PCDH15: variants seen among roughly 807,000 people sequenced by gnomAD.
PCDH15 encodes protocadherin related 15, also known as protocadherin-15.
Under a neutral mutation model 178.5 loss-of-function variants are expected in PCDH15, and 129 were observed. The ratio of observed to expected loss-of-function variants is 0.72; its 90% confidence interval spans 0.63 to 0.84. The LOEUF (loss-of-function observed/expected upper bound fraction) is 0.84, where lower values mean the gene tolerates loss of function less well. PCDH15 is among the 40% of genes least tolerant of loss of function. The probability of loss-of-function intolerance (pLI) is 0.00; values close to 1 mark genes in which losing one functional copy is unlikely to be tolerated. For missense variants in PCDH15, 2,230 were observed against 2,099.9 expected (o/e 1.06, Z -1.21); for synonymous variants, 800 against 732.0 (o/e 1.09, Z -1.50).
At chr10:54,227,744 A>T (rs2053608776) in intron 9 of PCDH15, among the ~76,000 whole-genome samples, 1 of 152,198 alleles carries the variant, frequency 6.6e-6, no homozygotes, top group Non-Finnish European at 1.5e-5. Context: ...ACAGCACCCA[A>T]GTCACCTCTT....
intron 8 of PCDH15, among the ~76,000 whole-genome samples, chr10:54,286,009 T>C (rs1401277121): frequency 6.6e-6 from 1 of 152,148 alleles, no homozygotes. Context: ...GATTTCATAG[T>C]AGAGAGTAAA....
intron 21 of PCDH15, among the ~76,000 whole-genome samples, chr10:53,977,753 A>T (rs2090303526): frequency 6.6e-6 from 1 of 152,186 alleles, no homozygotes. Flanking sequence ...GTGAAATCAA[A>T]AGCATTGTTA....
intron 2 of PCDH15, among the ~76,000 whole-genome samples, chr10:55,111,604 G>A (rs986112710): frequency 1.3e-5 from 2 of 152,120 alleles, no homozygotes; most frequent in African/African-American, 4.8e-5. Context: ...AGCAGTTTGG[G>A]AGGCCAAGGC....
At chr10:55,052,631 G>T (rs1360508502) in intron 2 of PCDH15, among the ~76,000 whole-genome samples, 1 of 150,162 alleles carries the variant, frequency 6.7e-6, no homozygotes, top group Non-Finnish European at 1.5e-5. Context: ...TGGGAGGATC[G>T]CTGGAACCCG....
intron 20 of PCDH15, among the ~76,000 whole-genome samples, chr10:54,005,559 G>A (rs755748224): frequency 1.8e-4 from 27 of 152,100 alleles, no homozygotes; most frequent in Non-Finnish European, 3.4e-4. Flanking sequence ...ATAAAAAGGT[G>A]CTCAACATCA....
chr10:55,055,096 A>G (rs1171528088), intron 2 of PCDH15, among the ~76,000 whole-genome samples: 2 of 152,022 alleles, frequency 1.3e-5, no homozygotes, highest in Non-Finnish European at 2.9e-5. Flanking sequence ...GCCCATTCCT[A>G]TGTCCAGAAT....
intron 1 of PCDH15, among the ~76,000 whole-genome samples, chr10:54,781,219 G>A (rs1293747994): frequency 1.3e-5 from 2 of 151,942 alleles, no homozygotes; most frequent in African/African-American, 4.8e-5. Context: ...AGGACGTGCA[G>A]GTTTGTTACA....
At chr10:54,937,334 A>G (rs1454886360) in intron 2 of PCDH15, among the ~76,000 whole-genome samples, 5 of 151,954 alleles carry the variant, frequency 3.3e-5, no homozygotes, top group East Asian at 1.9e-4. Context: ...TGGCTTGCGA[A>G]TTTCTGCAAG....
chr10:54,664,266 C>T lies in PCDH15; in HGVS notation c.-4G>A. 1.2e-6 allele frequency: 2 copies of T among 1,607,990 alleles called. No homozygotes were observed. Among genetic ancestry groups the T allele is most frequent in the Non-Finnish European group, 1.7e-6 (2 of 1,175,604 alleles). On this transcript the variant is annotated 5_prime_UTR_variant, in exon 2 of 38. Transcript: ENST00000644397. ...AGAGATAAAACTGTCGAAACATCTT[C>T]TGTCAAAGTTCACTCAAAGCTGATC...
chr10:55,003,701 A>C (rs1839852422), intron 2 of PCDH15, among the ~76,000 whole-genome samples: 1 of 152,206 alleles, frequency 6.6e-6, no homozygotes, highest in South Asian at 2.1e-4. Context: ...CTTTCACTGA[A>C]ATGTCGTGTT....
intron 27 of PCDH15, 128 bp from the exon 28 acceptor site, chr10:53,857,391 C>A: frequency 1.5e-6 from 1 of 689,060 alleles, no homozygotes; most frequent in Non-Finnish European, 2.6e-6. Flanking sequence ...AATTCAGGAA[C>A]AAATATATAT....
At chr10:55,281,130 T>C (rs896959051) in intron 1 of PCDH15, among the ~76,000 whole-genome samples, 2 of 152,342 alleles carry the variant, frequency 1.3e-5, no homozygotes, top group Admixed American at 1.3e-4. Context: ...TATGTTTGTT[T>C]TCTGTAGCAT....
chr10:55,318,361 T>C (rs1050491818), intron 1 of PCDH15, among the ~76,000 whole-genome samples: 1 of 152,160 alleles, frequency 6.6e-6, no homozygotes, highest in Non-Finnish European at 1.5e-5. Flanking sequence ...ATAAATTAAG[T>C]ATGTTGACAT....
chr10:54,948,513 A>C (rs1688388007), intron 2 of PCDH15, among the ~76,000 whole-genome samples: 1 of 151,954 alleles, frequency 6.6e-6, no homozygotes, highest in Non-Finnish European at 1.5e-5. Flanking sequence ...TCTGTAAGAG[A>C]TTAGCACTTA....
intron 1 of PCDH15, among the ~76,000 whole-genome samples, chr10:54,723,385 A>T (rs1820821957): frequency 6.6e-6 from 1 of 151,872 alleles, no homozygotes; most frequent in African/African-American, 2.4e-5. Context: ...CTCACTGTGT[A>T]CAAAAATCAA....
intron 1 of PCDH15, among the ~76,000 whole-genome samples, chr10:55,232,062 C>T (rs1363896012): frequency 6.6e-6 from 1 of 151,732 alleles, no homozygotes; most frequent in Non-Finnish European, 1.5e-5. Flanking sequence ...TAATCCAAAC[C>T]AACTTTATAT....
chr10:55,244,925 AT>A (rs1262064191), intron 1 of PCDH15, among the ~76,000 whole-genome samples: 1 of 151,834 alleles, frequency 6.6e-6, no homozygotes, highest in Non-Finnish European at 1.5e-5. Flanking sequence ...TGATGACCTT[AT>A]TTTTTGCACC....
intron 21 of PCDH15, among the ~76,000 whole-genome samples, chr10:53,994,350 A>T (rs2091715509): frequency 6.6e-6 from 1 of 152,138 alleles, no homozygotes; most frequent in Non-Finnish European, 1.5e-5. Flanking sequence ...AATGTATGTT[A>T]GTATTGTGTT....
chr10:54,622,677 A>ATATATATTATATAATATATATTTTC (rs1491178852), intron 2 of PCDH15, among the ~76,000 whole-genome samples: 11 of 21,586 alleles, frequency 5.1e-4, no homozygotes, highest in Non-Finnish European at 1.1e-3. Flanking sequence ...ATTATATATA[A>ATATATATTATATAATATATATTTTC]TATATATTAT....
Sources: gnomAD v4.1 joint callset for allele counts (sites outside exome capture counted in the v4.1 genomes callset) on GRCh38, gnomAD v4.1.1 for gene constraint, MANE v1.5 for transcripts, NCBI Gene and HGNC (gene_info 2026-07-23, HGNC 2026-07-21) for gene names.